Variants in SCAMP1 observed in about 807,000 individuals in gnomAD.
SCAMP1 encodes secretory carrier-associated membrane protein 1.
A neutral mutation model predicts 41.8 loss-of-function variants in SCAMP1; 15 were observed. The ratio of observed to expected loss-of-function variants is 0.36; its 90% CI spans 0.24 to 0.55. The LOEUF (loss-of-function observed/expected upper bound fraction) is 0.55. Among genes scored for constraint, SCAMP1 ranks in the 20% least tolerant of loss-of-function variants. SCAMP1 has a pLI of 0.86. For missense variants in SCAMP1, 341 were observed against 412.6 expected (o/e 0.83, Z 1.50); for synonymous variants, 135 against 136.8 (o/e 0.99, Z 0.09).
intron 8 of SCAMP1, among the ~76,000 whole-genome samples, chr5:78,462,217 G>GTC (rs1418449456): frequency 1.3e-5 from 2 of 151,880 alleles, no homozygotes; most frequent in Admixed American, 1.3e-4. Context: ...GTGTGTGTGT[G>GTC]TGTGTGTGTG....
intron 6 of SCAMP1, among the ~76,000 whole-genome samples, chr5:78,436,192 T>C (rs1364221548): frequency 6.6e-6 from 1 of 152,190 alleles, no homozygotes; most frequent in Non-Finnish European, 1.5e-5. Flanking sequence ...ACTCCGATGG[T>C]AGTTTCTTTT....
rs1455953441 is a variant in SCAMP1, at chr5:78,460,792, C to CTTT, written c.852+1430_852+1431insTTT. Among the ~76,000 whole-genome samples, 177 of 34,610 alleles carry CTTT rather than the reference C, an allele frequency of 5.1e-3. 17 individuals carry two copies. Among genetic ancestry groups the CTTT allele is most frequent in the African/African-American group, 0.024 (130 of 5,440 alleles). The allele number at this position is 34,610 out of a possible 152,430, so 22.7% of individuals were successfully genotyped here. On this transcript the variant is annotated intron_variant, in intron 8 of 8. Transcript: ENST00000621999. ...TCCTTCCTTCCTTCCTTCCTTCCTT[C>CTTT]CTTCCTTCCTTCCTCCCTTCCTTCC...
At chr5:78,471,275 A>T (rs1753876915) in intron 8 of SCAMP1, among the ~76,000 whole-genome samples, 5 of 152,146 alleles carry the variant, frequency 3.3e-5, no homozygotes, top group Admixed American at 2.6e-4. Flanking sequence ...ATTATTTGAG[A>T]TAGTGCTTAA....
rs1434366301 is a variant in SCAMP1, at chr5:78,460,788, C to CTTTCTTT, written c.852+1426_852+1427insTTTCTTT. Among the ~76,000 whole-genome samples, 58 of 33,856 alleles carry CTTTCTTT rather than the reference C, an allele frequency of 1.7e-3. 5 individuals are homozygous for CTTTCTTT. Among genetic ancestry groups the CTTTCTTT allele is most frequent in the East Asian group, 8.5e-3 (5 of 590 alleles). 22.2% of individuals were successfully genotyped at this position (33,856 alleles called of 152,430 possible). On this transcript the variant is annotated intron_variant, in intron 8 of 8. Coordinates refer to ENST00000621999, the MANE Select transcript of SCAMP1 (RefSeq NM_004866.6). Reference sequence around the variant, plus strand: ...TCCTTCCTTCCTTCCTTCCTTCCTTCCTTCCTTCCTTCCTTCCTCCCTTCC... The same window carrying CTTTCTTT: ...TCCTTCCTTCCTTCCTTCCTTCCTTCTTTCTTTCTTCCTTCCTTCCTTCCTCCCTTCC...
chr5:78,419,656 CACA>C (rs1216921478), intron 5 of SCAMP1, among the ~76,000 whole-genome samples: 2 of 152,280 alleles, frequency 1.3e-5, no homozygotes, highest in East Asian at 3.9e-4. Context: ...TTCTCACATG[CACA>C]ACATCTGGGT....
At chr5:78,442,561 G>A (rs1200351891) in intron 6 of SCAMP1, among the ~76,000 whole-genome samples, 3 of 152,120 alleles carry the variant, frequency 2.0e-5, no homozygotes, top group Admixed American at 6.5e-5. Flanking sequence ...GCCCGGCTGA[G>A]TTTTGTTTTA....
At chr5:78,382,560 C>T (rs765802343) in intron 1 of SCAMP1, among the ~76,000 whole-genome samples, 1 of 152,056 alleles carries the variant, frequency 6.6e-6, no homozygotes, top group South Asian at 2.1e-4. Context: ...GTCTTTTATC[C>T]GTCACCCAAC....
At chr5:78,430,347 G>A (rs1333946342) in intron 6 of SCAMP1, among the ~76,000 whole-genome samples, 1 of 146,486 alleles carries the variant, frequency 6.8e-6, no homozygotes, top group Non-Finnish European at 1.5e-5. Flanking sequence ...TTTGTTTTTT[G>A]TACAGCTGTA....
intron 6 of SCAMP1, among the ~76,000 whole-genome samples, chr5:78,449,121 T>A (rs77276840): frequency 0.02 from 3,025 of 152,090 alleles, 115 homozygotes; most frequent in African/African-American, 0.068. Flanking sequence ...TTGTAGGTAT[T>A]TACCTAAGAG....
In SCAMP1 at chr5:78,388,825, A is replaced by T. The variant is rs1261850559; in HGVS notation, c.58-12A>T. 1.4e-6 allele frequency: 2 copies of T among 1,418,072 alleles called. No individual in the cohort carries two copies. The highest frequency in any genetic ancestry group is 1.4e-5 in the African/African-American group (1 of 70,392). The allele number at this position is 1,418,072 out of a possible 1,614,324, so 87.8% of individuals were successfully genotyped here. ...AAGTAATCTTTTTTTTCTCCTTTGA[A>T]TTTTATTCTAGGATCCATCAGTTAC... On this transcript the variant is annotated splice_polypyrimidine_tract_variant and intron_variant, in intron 1 of 8. Coordinates refer to ENST00000621999, the MANE Select transcript of SCAMP1 (RefSeq NM_004866.6).
rs1485621404 is a variant in SCAMP1 at position 78,364,960 on chromosome 5, T to C, written c.57+4232T>C. Among the ~76,000 whole-genome samples, 4 of 57,770 alleles carry C rather than the reference T, an allele frequency of 6.9e-5. No individual in the cohort carries two copies. The Admixed American group carries it at 8.1e-4, about 12-fold the overall frequency. 37.9% of individuals were successfully genotyped at this position (57,770 alleles called of 152,430 possible). On this transcript the variant is annotated intron_variant, in intron 1 of 8. Coordinates refer to ENST00000621999, the MANE Select transcript of SCAMP1 (RefSeq NM_004866.6). ...AGTTAATGGGTGCAGCACACCAACATGGCACATGTATACATATGTAACCTG... is the reference window on the plus strand; with the variant it reads ...AGTTAATGGGTGCAGCACACCAACACGGCACATGTATACATATGTAACCTG...
At chr5:78,457,182 A>G (rs375655002) in intron 7 of SCAMP1, among the ~76,000 whole-genome samples, 27 of 151,668 alleles carry the variant, frequency 1.8e-4, no homozygotes, top group East Asian at 1.9e-4. Context: ...TCTTCTCTCA[A>G]CTCGTCAAAG....
At chr5:78,475,334 ATG>A (rs1452986365) in intron 8 of SCAMP1, among the ~76,000 whole-genome samples, 168 bp from the exon 9 acceptor site, 2 of 152,060 alleles carry the variant, frequency 1.3e-5, no homozygotes, top group Non-Finnish European at 2.9e-5. Context: ...TATTAAGAAA[ATG>A]TTTAAATACA....
Position 78,459,300 on chromosome 5 carries a change from A to T in SCAMP1, c.790A>T (p.Met264Leu). 6.2e-7 allele frequency: 1 copy of T among 1,609,132 alleles called. No homozygotes were observed. Among genetic ancestry groups the T allele is most frequent in the Non-Finnish European group, 8.5e-7 (1 of 1,176,010 alleles). ...CCAAAATATTCCTGTTGGAATCATG[A>T]TGATAATCATAGCAGCACTTTTCAC... is the stretch of plus-strand genomic sequence containing the variant. ...LNQNIPVGIM[M>L]IIIAALFTAS... Residue 264 changes from methionine to leucine, a missense_variant, in exon 8 of 9, where the codon ATG (methionine) becomes TTG (leucine). Transcript: ENST00000621999.
At chr5:78,451,197 C>T (rs561574326) in intron 7 of SCAMP1, among the ~76,000 whole-genome samples, 33 of 152,074 alleles carry the variant, frequency 2.2e-4, no homozygotes, top group Non-Finnish European at 2.5e-4. Context: ...AGGGTGCATA[C>T]AGAATTGACC....
chr5:78,391,995 T>A lies in SCAMP1; in HGVS notation c.135+3081T>A, dbSNP rs558591115. On this transcript the variant is annotated intron_variant, in intron 2 of 8. Transcript: ENST00000621999. ...TCGGCTTGGCATCAGAGGGAGACCG[T>A]GGAAAGAGAGGGAGAGGGAGAGGGA... Among the ~76,000 whole-genome samples the A allele has an allele frequency of 2.1e-5, 3 of 141,610 alleles. No individual in the cohort carries two copies. The South Asian group carries it at 6.7e-4, about 32-fold the overall frequency. The allele number at this position is 141,610 out of a possible 152,430, so 92.9% of individuals were successfully genotyped here.
chr5:78,461,708 C>G (rs1046958486), intron 8 of SCAMP1, among the ~76,000 whole-genome samples: 1 of 152,092 alleles, frequency 6.6e-6, no homozygotes, highest in Non-Finnish European at 1.5e-5. Context: ...GACTAACAAG[C>G]GTGAACCACC....
intron 6 of SCAMP1, among the ~76,000 whole-genome samples, chr5:78,437,071 G>T (rs1752775861): frequency 1.3e-5 from 2 of 152,162 alleles, no homozygotes. Flanking sequence ...CATTGATTTT[G>T]TATCCTGAGA....
chr5:78,429,093 T>C (rs1004519843), intron 6 of SCAMP1, among the ~76,000 whole-genome samples: 2 of 152,120 alleles, frequency 1.3e-5, no homozygotes, highest in South Asian at 4.1e-4. Flanking sequence ...TAAAAATGTT[T>C]GCTTATTCCT....
Sources: gnomAD v4.1 joint callset for allele counts (sites outside exome capture counted in the v4.1 genomes callset) on GRCh38, gnomAD v4.1.1 for gene constraint, MANE v1.5 for transcripts, NCBI Gene and HGNC (gene_info 2026-07-23, HGNC 2026-07-21) for gene names.